RBFOX1: variants seen among roughly 807,000 people sequenced by gnomAD.
RBFOX1 encodes the protein RNA binding fox-1 homolog 1.
Under a neutral mutation model 57.7 loss-of-function variants are expected in RBFOX1, and 8 were observed. The observed-to-expected ratio is 0.14, with a 90% CI of 0.08 to 0.25. RBFOX1 has a LOEUF of 0.25. Ranked by LOEUF, RBFOX1 falls within the 10% of genes least tolerant of loss-of-function variation. The probability of loss-of-function intolerance (pLI) is 1.00; values close to 1 mark genes in which losing one functional copy is unlikely to be tolerated. For missense variants in RBFOX1, 611 were observed against 548.5 expected, an observed-to-expected ratio of 1.11 and a Z score of -1.14; for synonymous variants, 326 against 222.4, an observed-to-expected ratio of 1.47 and a Z score of -4.15.
At chr16:6,102,136 G>A (rs769491866) in intron 1 of RBFOX1, among the ~76,000 whole-genome samples, 4 of 147,996 alleles carry the variant, frequency 2.7e-5, no homozygotes, top group South Asian at 2.2e-4. Context: ...TATGAGTTTC[G>A]GCCTGAAGGA....
At chr16:6,941,362 A>G (rs1308189917) in intron 3 of RBFOX1, among the ~76,000 whole-genome samples, 2 of 122,984 alleles carry the variant, frequency 1.6e-5, no homozygotes, top group African/African-American at 3.0e-5. Context: ...TTCCTTCTCT[A>G]TGGCTTCCAG....
chr16:5,597,204 G>C (rs181679582), intron 2 of RBFOX1, among the ~76,000 whole-genome samples: 1,532 of 151,090 alleles, frequency 0.01, 9 homozygotes, highest in Non-Finnish European at 0.014. Context: ...CTATATCTTT[G>C]TCTCTCTCTC....
chr16:5,315,819 G>C (rs2151234153), intron 1 of RBFOX1, among the ~76,000 whole-genome samples: 1 of 151,904 alleles, frequency 6.6e-6, no homozygotes. Context: ...TGGGCATGCT[G>C]GGATGTCCAC....
chr16:6,389,644 G>A (rs558771357), intron 2 of RBFOX1, among the ~76,000 whole-genome samples: 2 of 152,292 alleles, frequency 1.3e-5, no homozygotes, highest in Admixed American at 6.5e-5. Flanking sequence ...AGCAACTGAA[G>A]TTGAATGACA....
At chr16:5,370,705 C>T (rs2065836527) in intron 1 of RBFOX1, among the ~76,000 whole-genome samples, 1 of 151,984 alleles carries the variant, frequency 6.6e-6, no homozygotes, top group Non-Finnish European at 1.5e-5. Flanking sequence ...GTTGCCCAGG[C>T]TGATCTTTAA....
intron 2 of RBFOX1, among the ~76,000 whole-genome samples, chr16:6,570,623 A>C (rs1316364623): frequency 2.0e-5 from 3 of 152,226 alleles, no homozygotes; most frequent in African/African-American, 7.2e-5. Context: ...TTTTAACAGC[A>C]TATAAAGACA....
intron 3 of RBFOX1, among the ~76,000 whole-genome samples, chr16:6,861,199 G>C (rs745351610): frequency 2.0e-5 from 3 of 152,162 alleles, no homozygotes; most frequent in Non-Finnish European, 4.4e-5. Context: ...CATCTGAACA[G>C]CTACAGTTAC....
chr16:6,878,261 G>T (rs1448157084), intron 3 of RBFOX1, among the ~76,000 whole-genome samples: 4 of 152,162 alleles, frequency 2.6e-5, no homozygotes, highest in South Asian at 4.1e-4. Context: ...TGAAGTTCTT[G>T]TGATTTGAGT....
At chr16:7,083,865 T>C (rs914232614) in intron 4 of RBFOX1, among the ~76,000 whole-genome samples, 1 of 152,124 alleles carries the variant, frequency 6.6e-6, no homozygotes, top group South Asian at 2.1e-4. Context: ...TTCTCTACCA[T>C]CCTGAGGAAT....
intron 4 of RBFOX1, among the ~76,000 whole-genome samples, chr16:7,312,209 G>A (rs777470410): frequency 6.6e-6 from 1 of 152,166 alleles, no homozygotes; most frequent in Middle Eastern, 3.2e-3. Context: ...GTGAAACCCT[G>A]TCTCTACTAA....
intron 4 of RBFOX1, among the ~76,000 whole-genome samples, chr16:7,074,692 G>A (rs1361610652): frequency 1.3e-5 from 2 of 152,144 alleles, no homozygotes; most frequent in Non-Finnish European, 2.9e-5. Flanking sequence ...TCCAAATTTG[G>A]TGAAAACATC....
At chr16:7,097,025 T>TG (rs1016605843) in intron 4 of RBFOX1, among the ~76,000 whole-genome samples, 18 of 151,736 alleles carry the variant, frequency 1.2e-4, no homozygotes, top group African/African-American at 4.1e-4. Context: ...AAATGAATCC[T>TG]GGTTTGGTAA....
chr16:5,257,983 A>T (rs1252908713), intron 1 of RBFOX1, among the ~76,000 whole-genome samples: 2 of 152,046 alleles, frequency 1.3e-5, no homozygotes, highest in African/African-American at 4.8e-5. Context: ...GGCTCAGGTG[A>T]TCCTCCCACC....
chr16:6,182,070 T>C (rs2097067627), intron 1 of RBFOX1, among the ~76,000 whole-genome samples: 1 of 152,222 alleles, frequency 6.6e-6, no homozygotes, highest in Non-Finnish European at 1.5e-5. Context: ...AGTATTCCTG[T>C]GTGCCCAGGG....
At chr16:7,110,992 C>T (rs1361868838) in intron 4 of RBFOX1, among the ~76,000 whole-genome samples, 1 of 152,102 alleles carries the variant, frequency 6.6e-6, no homozygotes, top group Admixed American at 6.6e-5. Flanking sequence ...AAGAAGTCTT[C>T]ATTTGTTTGT....
chr16:6,298,968 A>C (rs1329485451), intron 1 of RBFOX1, among the ~76,000 whole-genome samples: 1 of 152,170 alleles, frequency 6.6e-6, no homozygotes, highest in Non-Finnish European at 1.5e-5. Context: ...CATTGGTGAC[A>C]GTGGATGGAA....
At chr16:6,506,195 C>T (rs1412656513) in intron 2 of RBFOX1, among the ~76,000 whole-genome samples, 1 of 152,030 alleles carries the variant, frequency 6.6e-6, no homozygotes, top group African/African-American at 2.4e-5. Flanking sequence ...GTGGGCAGGT[C>T]ATGTAGATGC....
intron 4 of RBFOX1, among the ~76,000 whole-genome samples, chr16:7,212,248 A>G (rs150708357): frequency 6.6e-6 from 1 of 152,160 alleles, no homozygotes; most frequent in Non-Finnish European, 1.5e-5. Context: ...AGCACAAGCT[A>G]CTAAATTTTG....
At chr16:6,407,474 A>G (rs922785407) in intron 2 of RBFOX1, among the ~76,000 whole-genome samples, 17 of 151,886 alleles carry the variant, frequency 1.1e-4, no homozygotes, top group African/African-American at 4.1e-4. Flanking sequence ...GTATTTATAC[A>G]CACACACATA....
Sources: gnomAD v4.1 joint callset for allele counts (sites outside exome capture counted in the v4.1 genomes callset) on GRCh38, gnomAD v4.1.1 for gene constraint, MANE v1.5 for transcripts, NCBI Gene and HGNC (gene_info 2026-07-23, HGNC 2026-07-21) for gene names.